The following INTU variants were observed in gnomAD, a reference collection of about 807,000 sequenced individuals.
The protein encoded by INTU is protein inturned.
INTU carries 68 observed loss-of-function variants against 100.5 expected under a neutral mutation model. The ratio of observed to expected loss-of-function variants is 0.68; its 90% CI spans 0.56 to 0.83. The LOEUF (loss-of-function observed/expected upper bound fraction) is 0.83, where lower values mean the gene tolerates loss of function less well. Among genes scored for constraint, INTU ranks in the 40% least tolerant of loss-of-function variants. INTU has a pLI of 0.00. For missense variants in INTU, 1,071 were observed against 1,114.7 expected, an observed-to-expected ratio of 0.96 and a Z score of 0.56; for synonymous variants, 357 against 395.7, an observed-to-expected ratio of 0.90 and a Z score of 1.16.
rs1729718474 is a variant in INTU, at chr4:127,684,401, T to C, written c.1182-8T>C. The C allele has an allele frequency of 3.2e-6, 5 of 1,568,454 alleles. No homozygotes were observed. The Admixed American group carries it at 7.4e-5, about 23-fold the overall frequency. On this transcript the variant is annotated splice_region_variant and splice_polypyrimidine_tract_variant and intron_variant, in intron 6 of 15. Transcript: ENST00000335251. Reference sequence around the variant, plus strand: ...TGTAAATTAATACGTGTAATTTTGCTTTTTTAGAGTTCCTCTTCCTCGTCT... The same window carrying C: ...TGTAAATTAATACGTGTAATTTTGCCTTTTTAGAGTTCCTCTTCCTCGTCT...
At position 127,716,433 on chromosome 4, in the gene INTU, G is replaced by C; in HGVS notation, c.2826G>C (p.Leu942Phe). Residue 942 changes from leucine to phenylalanine, a missense_variant, in exon 16 of 16, where the codon TTG becomes TTC. Coordinates refer to ENST00000335251, the MANE Select transcript of INTU (RefSeq NM_015693.4). ...IAFKLFFGLT[L>F] ...TTAAATTGTTCTTTGGGTTAACCTTGTAGCTGTGCTTTCTTGATGCGTAGA... is the reference window on the plus strand; with the variant it reads ...TTAAATTGTTCTTTGGGTTAACCTTCTAGCTGTGCTTTCTTGATGCGTAGA... The C allele has an allele frequency of 6.6e-7, 1 of 1,515,664 alleles. No homozygotes were observed. The highest frequency in any genetic ancestry group is 9.0e-7 in the Non-Finnish European group (1 of 1,110,804). 93.9% of individuals were successfully genotyped at this position (1,515,664 alleles called of 1,614,324 possible). A position where few individuals can be genotyped will look rare whatever the true frequency, so the allele number is the denominator to read the frequency against.
At chr4:127,668,851 T>G (rs541985127) in intron 4 of INTU, among the ~76,000 whole-genome samples, 185 bp from the exon 5 acceptor site, 1 of 152,030 alleles carries the variant, frequency 6.6e-6, no homozygotes, top group Non-Finnish European at 1.5e-5. Flanking sequence ...TCAAGTGTAG[T>G]CTTTTACATG....
At chr4:127,671,186 T>C (rs536032195) in intron 5 of INTU, among the ~76,000 whole-genome samples, 2 of 152,168 alleles carry the variant, frequency 1.3e-5, no homozygotes, top group African/African-American at 2.4e-5. Flanking sequence ...GCCTGCGGAA[T>C]GAGAGAAAAT....
Position 127,719,462 on chromosome 4 carries a change from G to A in INTU, c.*3026G>A. 6.6e-6 allele frequency: 1 copy of A among 152,084 alleles called. No individual in the cohort carries two copies. The allele number at this position is 152,084 out of a possible 1,614,324, so 9.4% of individuals were successfully genotyped here. A position where few individuals can be genotyped will look rare whatever the true frequency, so the allele number is the denominator to read the frequency against. ...AGTTTTCTTTTTTTGTTGTATCTCT[G>A]CCAGGTTTTGATATCAGGATGATGC... On this transcript the variant is annotated 3_prime_UTR_variant, in exon 16 of 16. Transcript: ENST00000335251.
At chr4:127,638,082 A>T (rs1223673547) in intron 1 of INTU, among the ~76,000 whole-genome samples, 1 of 152,240 alleles carries the variant, frequency 6.6e-6, no homozygotes, top group African/African-American at 2.4e-5. Context: ...AATGATCAGA[A>T]GACCATCAAG....
intron 6 of INTU, among the ~76,000 whole-genome samples, chr4:127,682,028 G>C (rs1729587741): frequency 6.9e-6 from 1 of 145,774 alleles, no homozygotes; most frequent in Admixed American, 6.7e-5. Context: ...GGCCATCAGA[G>C]AAATGCAAAT....
chr4:127,660,345 G>C (rs1431479447), intron 3 of INTU, among the ~76,000 whole-genome samples: 2 of 152,210 alleles, frequency 1.3e-5, no homozygotes, highest in East Asian at 3.8e-4. Context: ...GAGCCAGTCA[G>C]ACTCGATTCC....
intron 5 of INTU, among the ~76,000 whole-genome samples, chr4:127,670,815 T>C (rs1417219677): frequency 6.6e-6 from 1 of 152,038 alleles, no homozygotes; most frequent in East Asian, 1.9e-4. Flanking sequence ...GCCACATGCC[T>C]ATAGCCAATT....
chr4:127,655,928 C>T (rs549971131), intron 2 of INTU, among the ~76,000 whole-genome samples: 7 of 152,268 alleles, frequency 4.6e-5, no homozygotes, highest in South Asian at 2.1e-4. Context: ...TCTCGTGGTG[C>T]GCCGTTTTTT....
In INTU at chr4:127,723,626, AT is replaced by A. The variant is rs1731378464; in HGVS notation, c.*7196del. On this transcript the variant is annotated 3_prime_UTR_variant, in exon 16 of 16. Coordinates refer to ENST00000335251, the MANE Select transcript of INTU (RefSeq NM_015693.4). ...TATGTGTGTGTGTGTATATATATGT[AT>A]TTTTTAAACTATTTGTCAACTTTAT... is the stretch of plus-strand genomic sequence containing the variant. The A allele has an allele frequency of 6.6e-6, 1 of 151,690 alleles. No homozygotes were observed. Among genetic ancestry groups the A allele is most frequent in the Admixed American group, 6.6e-5 (1 of 15,244 alleles). 9.4% of individuals were successfully genotyped at this position (151,690 alleles called of 1,614,324 possible).
At chr4:127,651,643 C>G (rs965373638) in intron 2 of INTU, among the ~76,000 whole-genome samples, 2 of 152,126 alleles carry the variant, frequency 1.3e-5, no homozygotes, top group Non-Finnish European at 2.9e-5. Flanking sequence ...AGTTTGAAGT[C>G]AGGTAGGGTG....
At chr4:127,653,851 G>T (rs940682678) in intron 2 of INTU, among the ~76,000 whole-genome samples, 1 of 151,754 alleles carries the variant, frequency 6.6e-6, no homozygotes, top group African/African-American at 2.4e-5. Context: ...TAATGTGTGG[G>T]AGTCTAAGTC....
In INTU at chr4:127,720,687, A is replaced by G. The variant is rs916038489; in HGVS notation, c.*4251A>G. On this transcript the variant is annotated 3_prime_UTR_variant, in exon 16 of 16. Transcript: ENST00000335251. ...TATATTAGGTGCATATATATTTAGG[A>G]TAGTTAGCTCTTCTTGTTGAATTGA... 2 of 152,134 alleles carry G rather than the reference A, an allele frequency of 1.3e-5. No homozygotes were observed. The highest frequency in any genetic ancestry group is 4.8e-5 in the African/African-American group (2 of 41,416). 9.4% of individuals were successfully genotyped at this position (152,134 alleles called of 1,614,324 possible).
chr4:127,695,168 A>G (rs1730327166), intron 8 of INTU, among the ~76,000 whole-genome samples: 1 of 152,212 alleles, frequency 6.6e-6, no homozygotes, highest in Non-Finnish European at 1.5e-5. Context: ...TTATCAGAGT[A>G]TGGTAGTTTT....
intron 1 of INTU, among the ~76,000 whole-genome samples, chr4:127,640,542 C>CATATATATATATATATATATAT (rs869116277): frequency 5.6e-5 from 3 of 53,636 alleles, no homozygotes; most frequent in Admixed American, 2.3e-4. Context: ...GGTAAAGATA[C>CATATATATATATATATATATAT]ATATATATAT....
chr4:127,634,833 G>A (rs1230874817), intron 1 of INTU, among the ~76,000 whole-genome samples: 3 of 152,172 alleles, frequency 2.0e-5, no homozygotes, highest in Non-Finnish European at 2.9e-5. Context: ...TACCAGGAAG[G>A]CTTATGTTCG....
Position 127,653,783 on chromosome 4 carries a change from C to T in INTU, c.683-2853C>T, listed in dbSNP as rs1012810282. On this transcript the variant is annotated intron_variant, in intron 2 of 15. Coordinates refer to ENST00000335251, the MANE Select transcript of INTU (RefSeq NM_015693.4). The stretch of plus-strand genomic sequence containing the variant: ...TTCAATTCCTGGGTATCCTTGTTGA[C>T]GTTCTGTCTCGTTGATCTGTCTAAT... Among the ~76,000 whole-genome samples, 259 of 151,554 alleles carry T rather than the reference C, an allele frequency of 1.7e-3. 2 individuals are homozygous for T. Among genetic ancestry groups the T allele is most frequent in the Non-Finnish European group, 3.0e-3 (201 of 67,900 alleles).
rs1012127108 is a variant in INTU at position 127,720,723 on chromosome 4, A to G, written c.*4287A>G. 6.6e-6 allele frequency: 1 copy of G among 152,036 alleles called. No individual in the cohort carries two copies. The highest frequency in any genetic ancestry group is 2.4e-5 in the African/African-American group (1 of 41,406). 9.4% of individuals were successfully genotyped at this position (152,036 alleles called of 1,614,324 possible). On this transcript the variant is annotated 3_prime_UTR_variant, in exon 16 of 16. Coordinates refer to ENST00000335251, the MANE Select transcript of INTU (RefSeq NM_015693.4). ...TTCTTGTTGAATTGACCCCTTTACC[A>G]GTATGTAATGCCTTTGTCTTTTTTT...
rs376480510 is a variant in INTU, at chr4:127,633,291, GT to G, written c.146+113del. 2.1e-4 allele frequency: 231 copies of G among 1,124,532 alleles called. No individual in the cohort carries two copies. The African/African-American group carries it at 3.2e-3, about 15-fold the overall frequency. The allele number at this position is 1,124,532 out of a possible 1,614,324, so 69.7% of individuals were successfully genotyped here. ...GCGTGGTTGGAATCGAGTATTTGGGGTTCTATAATAAGTGGGATTTAATTGC... is the reference window on the plus strand; with the variant it reads ...GCGTGGTTGGAATCGAGTATTTGGGGTCTATAATAAGTGGGATTTAATTGC... On this transcript the variant is annotated intron_variant, in intron 1 of 15. Coordinates refer to ENST00000335251, the MANE Select transcript of INTU (RefSeq NM_015693.4).
Sources: gnomAD v4.1 joint callset for allele counts (sites outside exome capture counted in the v4.1 genomes callset) on GRCh38, gnomAD v4.1.1 for gene constraint, MANE v1.5 for transcripts, NCBI Gene and HGNC (gene_info 2026-07-23, HGNC 2026-07-21) for gene names.